Variants in HUNK observed in about 807,000 individuals in gnomAD.
HUNK encodes the protein hormonally up-regulated Neu-associated kinase, also known as hormonally up-regulated neu tumor-associated kinase.
A neutral mutation model predicts 61.0 loss-of-function variants in HUNK; 21 were observed. The ratio of observed to expected loss-of-function variants is 0.34; its 90% CI spans 0.24 to 0.50. The LOEUF (loss-of-function observed/expected upper bound fraction) is 0.50. HUNK is among the 20% of genes least tolerant of loss of function. The probability of loss-of-function intolerance (pLI) is 0.98; values close to 1 mark genes in which losing one functional copy is unlikely to be tolerated. For missense variants in HUNK, 772 were observed against 945.7 expected (o/e 0.82, Z 2.41); for synonymous variants, 371 against 386.1 (o/e 0.96, Z 0.46).
chr21:31,945,960 T>G, intron 3 of HUNK, 76 bp from the exon 4 acceptor site: 2 of 1,422,242 alleles, frequency 1.4e-6, no homozygotes, highest in Non-Finnish European at 1.9e-6. Flanking sequence ...GCCCTTTTTA[T>G]TTTTCCTTTT....
intron 5 of HUNK, among the ~76,000 whole-genome samples, chr21:31,963,050 C>G (rs1377992226): frequency 1.3e-5 from 2 of 152,196 alleles, no homozygotes; most frequent in East Asian, 3.9e-4. Context: ...TGACAGCCTC[C>G]CATTTTTTCA....
At chr21:31,896,919 G>T (rs1301074105) in intron 1 of HUNK, among the ~76,000 whole-genome samples, 1 of 152,202 alleles carries the variant, frequency 6.6e-6, no homozygotes, top group African/African-American at 2.4e-5. Context: ...TGGATTAGTT[G>T]CCTATGGCTA....
chr21:31,879,984 T>C (rs2052294096), intron 1 of HUNK, among the ~76,000 whole-genome samples: 1 of 152,224 alleles, frequency 6.6e-6, no homozygotes, highest in Admixed American at 6.5e-5. Flanking sequence ...ATTTCACGCT[T>C]TCTGATAGGA....
At chr21:31,969,369 T>C (rs959852735) in intron 6 of HUNK, among the ~76,000 whole-genome samples, 4 of 152,168 alleles carry the variant, frequency 2.6e-5, no homozygotes, top group African/African-American at 9.7e-5. Flanking sequence ...AGGAAAGGCA[T>C]AGGAGTCATT....
intron 5 of HUNK, among the ~76,000 whole-genome samples, chr21:31,966,012 G>A (rs1021651676): frequency 1.4e-4 from 21 of 152,174 alleles, no homozygotes; most frequent in African/African-American, 5.1e-4. Context: ...TCCATCGCCT[G>A]AGCAGTGTAC....
Position 31,968,393 on chromosome 21 carries a change from C to T in HUNK, c.1010+8C>T, listed in dbSNP as rs763633645. On this transcript the variant is annotated splice_region_variant and intron_variant, in intron 6 of 10. Transcript: ENST00000270112. ...TGTCACCTATCCCAACAGGTAATTT[C>T]GTGCACCCAGAGGAACTCCTCGGGA... The T allele has an allele frequency of 3.1e-6, 5 of 1,614,100 alleles. No individual in the cohort carries two copies. Among genetic ancestry groups the T allele is most frequent in the Middle Eastern group, 1.6e-4 (1 of 6,062 alleles).
chr21:31,919,956 T>C (rs73346744), intron 1 of HUNK, among the ~76,000 whole-genome samples: 10,572 of 152,254 alleles, frequency 0.069, 446 homozygotes, highest in South Asian at 0.17. Context: ...CTATAACAAA[T>C]TACCACTCTG....
rs542075947 is a variant in HUNK at position 31,873,974 on chromosome 21, C to T, written c.261+39C>T. 2 of 1,393,740 alleles carry T rather than the reference C, an allele frequency of 1.4e-6. No homozygotes were observed. The highest frequency in any genetic ancestry group is 9.4e-7 in the Non-Finnish European group (1 of 1,064,984). The allele number at this position is 1,393,740 out of a possible 1,614,324, so 86.3% of individuals were successfully genotyped here. ...GCGCCGTGGGGCTGGGGCACAGGGGCGGGAGTCGGCGGCCAGGACCCCGCG... is the reference window on the plus strand; with the variant it reads ...GCGCCGTGGGGCTGGGGCACAGGGGTGGGAGTCGGCGGCCAGGACCCCGCG... On this transcript the variant is annotated intron_variant, in intron 1 of 10. Transcript: ENST00000270112. This position sits in a 1 kb window ranked among gnomAD's most constrained non-coding sequence, Gnocchi z 6.1.
At chr21:31,954,860 C>T (rs895280704) in intron 4 of HUNK, among the ~76,000 whole-genome samples, 1 of 152,146 alleles carries the variant, frequency 6.6e-6, no homozygotes, top group African/African-American at 2.4e-5. Flanking sequence ...CATCTCACTG[C>T]AGCCCCAACC....
chr21:31,920,296 C>T (rs2123813563), intron 1 of HUNK, among the ~76,000 whole-genome samples: 1 of 152,332 alleles, frequency 6.6e-6, no homozygotes, highest in Non-Finnish European at 1.5e-5. Flanking sequence ...TCTGCAAAGA[C>T]CCTTTTTCCA....
intron 5 of HUNK, among the ~76,000 whole-genome samples, chr21:31,962,175 T>C (rs1320184738): frequency 6.6e-6 from 1 of 152,190 alleles, no homozygotes; most frequent in Non-Finnish European, 1.5e-5. Context: ...AAACATGGCA[T>C]GCGGCTTCAC....
intron 6 of HUNK, among the ~76,000 whole-genome samples, chr21:31,968,942 A>G (rs918176487): frequency 3.3e-5 from 5 of 151,220 alleles, no homozygotes; most frequent in African/African-American, 9.7e-5. Context: ...GCAGTGGCGT[A>G]ATCTCAGATC....
At chr21:31,996,574 T>G (rs1007522913) in intron 10 of HUNK, among the ~76,000 whole-genome samples, 1 of 152,112 alleles carries the variant, frequency 6.6e-6, no homozygotes, top group Non-Finnish European at 1.5e-5. Flanking sequence ...AAGGCAGACC[T>G]TACTGGGCAC....
chr21:31,989,437 G>A (rs910623210), intron 8 of HUNK, among the ~76,000 whole-genome samples: 4 of 152,128 alleles, frequency 2.6e-5, no homozygotes, highest in African/African-American at 4.8e-5. Flanking sequence ...TTACTTGGCC[G>A]GGCTCAGTGC....
chr21:31,999,170 A>G lies in HUNK; in HGVS notation c.2131A>G (p.Lys711Glu). ...NLAFDMADGV[K>E]TQC ...TGCCTTTGACATGGCCGATGGGGTC[A>G]AGACCCAGTGCTAACTTGGGCCAGC... The change falls in exon 11 of 11, where the codon AAG becomes GAG. Residue 711 changes from lysine to glutamate, a missense_variant. By Grantham distance (56) the Lys-to-Glu change is moderately conservative. Around this residue, in one of 2 missense-constraint regions of HUNK, gnomAD observed 413 missense variants for 444.4 expected, o/e 0.93. Transcript: ENST00000270112. The G allele has an allele frequency of 6.2e-7, 1 of 1,605,788 alleles. No individual in the cohort carries two copies. The highest frequency in any genetic ancestry group is 2.2e-5 in the East Asian group (1 of 44,742).
chr21:31,886,960 A>G (rs2052351010), intron 1 of HUNK, among the ~76,000 whole-genome samples: 1 of 152,210 alleles, frequency 6.6e-6, no homozygotes, highest in Admixed American at 6.5e-5. Context: ...GAATGGATCC[A>G]AGCATGGTTT....
intron 2 of HUNK, among the ~76,000 whole-genome samples, chr21:31,936,351 G>C (rs2052733525): frequency 6.6e-6 from 1 of 152,186 alleles, no homozygotes; most frequent in Admixed American, 6.5e-5. Context: ...TATTGGATAA[G>C]TTACAAAGGA....
intron 1 of HUNK, among the ~76,000 whole-genome samples, chr21:31,911,483 C>A (rs1004913936): frequency 6.6e-6 from 1 of 152,122 alleles, no homozygotes; most frequent in Non-Finnish European, 1.5e-5. Flanking sequence ...TGAGGAACAA[C>A]GAGGAGGCGG....
chr21:31,987,159 G>A (rs996680408), intron 8 of HUNK, among the ~76,000 whole-genome samples: 1 of 152,228 alleles, frequency 6.6e-6, no homozygotes, highest in Non-Finnish European at 1.5e-5. Context: ...GAACATTCCA[G>A]GTGGGATACC....
Sources: allele counts gnomAD v4.1 joint callset (sites outside exome capture counted in the v4.1 genomes callset), GRCh38; gene constraint gnomAD v4.1.1; regional missense constraint gnomAD v4.1.1; non-coding constraint Gnocchi (gnomAD v3.1); transcripts MANE v1.5; gene names NCBI Gene and HGNC (gene_info 2026-07-23, HGNC 2026-07-21).